Variants in ZMYM2 observed in about 807,000 individuals in gnomAD.
The protein encoded by ZMYM2 is zinc finger MYM-type protein 2.
A neutral mutation model predicts 162.8 loss-of-function variants in ZMYM2; 56 were observed. The ratio of observed to expected loss-of-function variants is 0.34; its 90% confidence interval spans 0.28 to 0.43. The LOEUF is 0.43. ZMYM2 is among the 20% of genes least tolerant of loss of function. The pLI is 1.00. For synonymous variants in ZMYM2, 510 were observed against 541.6 expected, an observed-to-expected ratio of 0.94 and a Z score of 0.81; for missense variants, 1,275 against 1,621.8, an observed-to-expected ratio of 0.79 and a Z score of 3.67.
At chr13:19,920,138 G>A in the ZMYM2 span, among the ~76,000 whole-genome samples, 101 of 152,232 alleles carry the variant, frequency 6.6e-4, no homozygotes, top group Middle Eastern at 3.4e-3. Context: ...ATGTATCTAT[G>A]TAGGCATCAT....
At position 19,963,017 on chromosome 13, in the gene ZMYM2, T is replaced by G. The variant is rs1228597995; in HGVS notation, c.-11+2991T>G. On this transcript the variant is annotated intron_variant, in intron 2 of 24. Coordinates refer to ENST00000610343, the MANE Select transcript of ZMYM2 (RefSeq NM_197968.4). ...GTATTTTTAGTAGAGATGGGGATTTTTAGTAGAGACAAGGTTTCACCATGT... is the reference window on the plus strand; with the variant it reads ...GTATTTTTAGTAGAGATGGGGATTTGTAGTAGAGACAAGGTTTCACCATGT... Among the ~76,000 whole-genome samples the G allele has an allele frequency of 2.6e-5, 4 of 151,974 alleles. No individual in the cohort carries two copies. In the East Asian group the frequency reaches 5.8e-4, roughly 22 times the overall value.
In ZMYM2 at chr13:20,084,112, A is replaced by C. The variant is rs372620456; in HGVS notation, c.3941+336A>C. ...TTGCAACCTCAAACTCCTGGGCTTA[A>C]GCCATCCTCCCACCCTCTGCCTCCT... On this transcript the variant is annotated intron_variant, in intron 24 of 24. Transcript: ENST00000610343. Among the ~76,000 whole-genome samples, 132 of 152,280 alleles carry C rather than the reference A, an allele frequency of 8.7e-4. 4 individuals are homozygous for C. In the South Asian group the frequency reaches 0.023, roughly 26 times the overall value.
the ZMYM2 span, among the ~76,000 whole-genome samples, chr13:19,888,301 A>G: frequency 6.6e-6 from 1 of 151,610 alleles, no homozygotes; most frequent in Non-Finnish European, 1.5e-5. Context: ...CAGTTCTCCC[A>G]TGTCAGCCCC....
intron 21 of ZMYM2, among the ~76,000 whole-genome samples, chr13:20,067,623 A>G (rs1956778350): frequency 6.6e-6 from 1 of 152,240 alleles, no homozygotes; most frequent in Non-Finnish European, 1.5e-5. Context: ...ATCTGGCTAT[A>G]GATCCATGCT....
rs147285887 is a variant in ZMYM2 at position 20,061,736 on chromosome 13, G to A, written c.2911+512G>A. Among the ~76,000 whole-genome samples the A allele has an allele frequency of 1.8e-3, 281 of 151,962 alleles. 4 individuals carry two copies. Among genetic ancestry groups the A allele is most frequent in the African/African-American group, 6.4e-3 (266 of 41,454 alleles). ...CCTGAGTAGCTGGAATTACAGGCACGTGCCACCACGCCCAGCCAATTTTTG... is the reference window on the plus strand; with the variant it reads ...CCTGAGTAGCTGGAATTACAGGCACATGCCACCACGCCCAGCCAATTTTTG... On this transcript the variant is annotated intron_variant, in intron 17 of 24. Coordinates refer to ENST00000610343, the MANE Select transcript of ZMYM2 (RefSeq NM_197968.4).
rs765831882 is a variant in ZMYM2 at position 20,067,348 on chromosome 13, T to C, written c.3411T>C (p.Tyr1137=). 3.7e-6 allele frequency: 6 copies of C among 1,611,396 alleles called. 1 individual carries two copies. Among genetic ancestry groups the C allele is most frequent in the East Asian group, 4.5e-5 (2 of 44,856 alleles). The change falls in exon 21 of 25, where the codon TAT becomes TAC. Residue 1137 remains tyrosine (Y), a synonymous_variant. Transcript: ENST00000610343. ...TCCGACGGCCAAATGGAGAGAATTA[T>C]GCACCTGACAGCATCTATTACCTTT... ...NEIRRPNGEN[Y]APDSIYYLCL...
At chr13:19,995,207 C>T (rs1359241452) in intron 3 of ZMYM2, among the ~76,000 whole-genome samples, 5 of 151,984 alleles carry the variant, frequency 3.3e-5, no homozygotes, top group African/African-American at 1.2e-4. Context: ...GAAAGCCAAA[C>T]ATATCATCCT....
chr13:19,973,722 A>AC (rs1450730518), intron 2 of ZMYM2, among the ~76,000 whole-genome samples: 61 of 151,920 alleles, frequency 4.0e-4, no homozygotes, highest in African/African-American at 1.3e-3. Context: ...CAGAAAAAAA[A>AC]CCCAACACAA....
chr13:20,000,607 G>A (rs1462228704), intron 3 of ZMYM2, among the ~76,000 whole-genome samples: 1 of 152,214 alleles, frequency 6.6e-6, no homozygotes, highest in Non-Finnish European at 1.5e-5. Flanking sequence ...TGTGTTTACA[G>A]CATGGTTTAC....
intron 2 of ZMYM2, among the ~76,000 whole-genome samples, chr13:19,976,055 C>T (rs897612030): frequency 1.8e-4 from 27 of 152,080 alleles, no homozygotes; most frequent in African/African-American, 5.8e-4. Flanking sequence ...AATCCTAGGC[C>T]GGGCACGGTA....
intron 6 of ZMYM2, among the ~76,000 whole-genome samples, chr13:20,016,698 T>G (rs977086374): frequency 2.0e-5 from 3 of 152,220 alleles, no homozygotes; most frequent in African/African-American, 4.8e-5. Flanking sequence ...TTGTTTCTTT[T>G]GTGAAATTGA....
At chr13:19,915,031 C>A in the ZMYM2 span, among the ~76,000 whole-genome samples, 2 of 152,166 alleles carry the variant, frequency 1.3e-5, no homozygotes, top group Non-Finnish European at 1.5e-5. Flanking sequence ...CCCTTGTGAT[C>A]TACTACCAAA....
rs1958296308 is a variant in ZMYM2, at chr13:20,086,785, A to G, written c.*771A>G. 6.7e-6 allele frequency: 1 copy of G among 150,054 alleles called. No individual in the cohort carries two copies. Among genetic ancestry groups the G allele is most frequent in the African/African-American group, 2.5e-5 (1 of 40,782 alleles). The allele number at this position is 150,054 out of a possible 1,614,324, so 9.3% of individuals were successfully genotyped here. ...TATGTGTGTGTGTATATATATATATATATATATATATATAAATGATTGTAA... is the reference window on the plus strand; with the variant it reads ...TATGTGTGTGTGTATATATATATATGTATATATATATATAAATGATTGTAA... On this transcript the variant is annotated 3_prime_UTR_variant, in exon 25 of 25. Transcript: ENST00000610343.
the ZMYM2 span, among the ~76,000 whole-genome samples, chr13:19,885,629 C>T: frequency 4.9e-3 from 738 of 152,036 alleles, 8 homozygotes; most frequent in African/African-American, 0.017. Context: ...CAATTGAGGT[C>T]AGGAGTTCGA....
intron 1 of ZMYM2, among the ~76,000 whole-genome samples, chr13:19,959,498 G>T (rs528063867): frequency 2.0e-4 from 30 of 152,122 alleles, no homozygotes; most frequent in Non-Finnish European, 2.5e-4. Flanking sequence ...CCGACTGCAG[G>T]GGGGGGCAAA....
the ZMYM2 span, among the ~76,000 whole-genome samples, chr13:19,922,509 C>G: frequency 3.4e-4 from 52 of 152,254 alleles, no homozygotes; most frequent in African/African-American, 1.2e-3. Flanking sequence ...CAGATAAGAG[C>G]TCTTTTCTCA....
At chr13:19,951,907 A>C in the ZMYM2 span, among the ~76,000 whole-genome samples, 18 of 152,232 alleles carry the variant, frequency 1.2e-4, no homozygotes, top group East Asian at 3.1e-3. Flanking sequence ...AGGAAATGAA[A>C]TCAGTTCCTT....
chr13:19,994,200 G>C (rs1447078837), intron 3 of ZMYM2, among the ~76,000 whole-genome samples: 2 of 152,124 alleles, frequency 1.3e-5, no homozygotes, highest in African/African-American at 4.8e-5. Flanking sequence ...TGATAATTTG[G>C]CCGGGCACGG....
chr13:19,957,945 G>A (rs936736199), upstream of ZMYM2, among the ~76,000 whole-genome samples: 13 of 152,358 alleles, frequency 8.5e-5, no homozygotes, highest in Middle Eastern at 6.8e-3. Context: ...TTGGCCGAAT[G>A]GCAGAGTCCA....
Sources: gnomAD v4.1 joint callset for allele counts (sites outside exome capture counted in the v4.1 genomes callset) on GRCh38, gnomAD v4.1.1 for gene constraint, MANE v1.5 for transcripts, NCBI Gene and HGNC (gene_info 2026-07-23, HGNC 2026-07-21) for gene names.